The following KIF1B variants were observed in gnomAD, a reference collection of about 807,000 sequenced individuals.
KIF1B encodes the protein kinesin family member 1B, also known as kinesin-like protein KIF1B.
KIF1B carries 76 observed loss-of-function variants against 241.9 expected under a neutral mutation model. The observed-to-expected ratio is 0.31, with a 90% CI of 0.26 to 0.38. KIF1B has a LOEUF of 0.38. KIF1B is among the 10% of genes least tolerant of loss of function. The pLI, the probability that KIF1B is intolerant of heterozygous loss-of-function variation, is 1.00. For missense variants in KIF1B, 1,622 were observed against 2,271.4 expected (o/e 0.71, Z 5.81); for synonymous variants, 750 against 796.7 (o/e 0.94, Z 0.99).
At chr1:10,293,009 C>G (rs1182905971) in intron 17 of KIF1B, among the ~76,000 whole-genome samples, 1 of 151,110 alleles carries the variant, frequency 6.6e-6, no homozygotes, top group Non-Finnish European at 1.5e-5. Context: ...TGAATTGGTA[C>G]TTTTATGTGA....
intron 1 of KIF1B, among the ~76,000 whole-genome samples, chr1:10,214,644 G>C (rs543080699): frequency 6.7e-6 from 1 of 149,414 alleles, no homozygotes; most frequent in Non-Finnish European, 1.5e-5. Flanking sequence ...GTGTAGTGGT[G>C]TGATCTTGGC....
chr1:10,223,045 A>C (rs1407796017), intron 1 of KIF1B, among the ~76,000 whole-genome samples: 1 of 152,110 alleles, frequency 6.6e-6, no homozygotes, highest in Non-Finnish European at 1.5e-5. Context: ...CGAGGTCAGG[A>C]GTTCAAGACC....
In KIF1B at chr1:10,365,782, A is replaced by C; in HGVS notation, c.4752+134A>C. On this transcript the variant is annotated intron_variant, in intron 43 of 48. Coordinates refer to ENST00000676179, the MANE Select transcript of KIF1B (RefSeq NM_001365951.3). The surrounding 1 kb of genome is among the most constrained non-coding windows in gnomAD (Gnocchi z 4.0). ...ATAATACTGTGAATGTAGAAATAAAAAGACGCAGTTCCTACCCTCAACAAG... is the reference window on the plus strand; with the variant it reads ...ATAATACTGTGAATGTAGAAATAAACAGACGCAGTTCCTACCCTCAACAAG... 1.5e-6 allele frequency: 2 copies of C among 1,290,568 alleles called. No individual in the cohort carries two copies. The highest frequency in any genetic ancestry group is 2.3e-5 in the East Asian group (1 of 42,688). The allele number at this position is 1,290,568 out of a possible 1,614,324, so 79.9% of individuals were successfully genotyped here.
chr1:10,266,693 C>T (rs1348273879), intron 5 of KIF1B, among the ~76,000 whole-genome samples: 2 of 152,140 alleles, frequency 1.3e-5, no homozygotes, highest in African/African-American at 4.8e-5. Context: ...CTTGGAGTAA[C>T]CTCAATGCAA....
In KIF1B at chr1:10,365,647, A is replaced by C; in HGVS notation, c.4751A>C (p.Lys1584Thr). Residue 1584 changes from lysine (K) to threonine (T), a missense_variant and splice_region_variant, in exon 43 of 49, where the codon AAG (lysine) becomes ACG (threonine). This residue lies in a region of KIF1B where 357 missense variants were observed against 409.0 expected (regional missense o/e 0.87). Transcript: ENST00000676179. The surrounding 1 kb of genome is among the most constrained non-coding windows in gnomAD (Gnocchi z 4.0). Reference sequence around the variant, plus strand: ...GACCGAGAGAAAGAGCTGGCTACCAAGGTGTGAATCCCTTCCTCTTTGCTG... The same window carrying C: ...GACCGAGAGAAAGAGCTGGCTACCACGGTGTGAATCCCTTCCTCTTTGCTG... ...LVDREKELATKCLQLLTHTFN... is the reference protein window; with the variant it reads ...LVDREKELATTCLQLLTHTFN... 1 of 1,614,164 alleles carries C rather than the reference A, an allele frequency of 6.2e-7. No homozygotes were observed. The highest frequency in any genetic ancestry group is 1.7e-5 in the Admixed American group (1 of 60,014).
chr1:10,220,833 T>G (rs550353326), intron 1 of KIF1B, among the ~76,000 whole-genome samples: 3 of 151,874 alleles, frequency 2.0e-5, no homozygotes, highest in Non-Finnish European at 4.4e-5. Context: ...CAGCTGATTT[T>G]TGTGCTTTTA....
chr1:10,283,923 TTAACAC>T (rs2102235702), intron 15 of KIF1B, among the ~76,000 whole-genome samples: 1 of 152,360 alleles, frequency 6.6e-6, no homozygotes, highest in East Asian at 1.9e-4. Flanking sequence ...GAAAAACTCT[TTAACAC>T]TAAAGTGAAT....
At position 10,232,380 on chromosome 1, in the gene KIF1B, C is replaced by T; in HGVS notation, c.52C>T (p.Arg18Ter). The T allele has an allele frequency of 1.2e-6, 2 of 1,614,018 alleles. No homozygotes were observed. Among genetic ancestry groups the T allele is most frequent in the Non-Finnish European group, 1.7e-6 (2 of 1,179,984 alleles). The part of the protein sequence containing the change: ...VAVRVRPFNS[R>*]ETSKESKCII... ...TGTCCGGGTAAGGCCCTTCAATTCT[C>T]GAGAGACCAGCAAGGAATCCAAATG... is the stretch of plus-strand genomic sequence containing the variant. Residue 18 changes from arginine to a stop codon, truncating the protein, a stop_gained, in exon 2 of 49, where the codon CGA becomes TGA. Transcript: ENST00000676179. LOFTEE classifies it high-confidence loss of function.
At chr1:10,269,282 A>G (rs1353959361) in intron 7 of KIF1B, among the ~76,000 whole-genome samples, 1 of 152,078 alleles carries the variant, frequency 6.6e-6, no homozygotes, top group Non-Finnish European at 1.5e-5. Flanking sequence ...TGGGAGGCCA[A>G]GGCAGACAGA....
chr1:10,226,318 G>A (rs930882619), intron 1 of KIF1B, among the ~76,000 whole-genome samples: 2 of 152,188 alleles, frequency 1.3e-5, no homozygotes, highest in African/African-American at 4.8e-5. Flanking sequence ...AATGCTGGAA[G>A]GATAGCTAGG....
chr1:10,304,790 A>C, intron 22 of KIF1B: 2 of 1,510,664 alleles, frequency 1.3e-6, no homozygotes, highest in Non-Finnish European at 1.8e-6. Context: ...AAGACAAAAC[A>C]CTGGTAAAAG....
intron 1 of KIF1B, among the ~76,000 whole-genome samples, chr1:10,215,141 TA>T: frequency 2.8e-5 from 1 of 36,194 alleles, no homozygotes; most frequent in South Asian, 9.3e-4. Context: ...ATATATTTTA[TA>T]TATATATATA....
At position 10,380,834 on chromosome 1, in the gene KIF1B, G is replaced by C; in HGVS notation, c.*4247G>C. The C allele has an allele frequency of 9.1e-6, 2 of 220,622 alleles. No homozygotes were observed. The allele number at this position is 220,622 out of a possible 1,614,324, so 13.7% of individuals were successfully genotyped here. On this transcript the variant is annotated 3_prime_UTR_variant, in exon 49 of 49. Coordinates refer to ENST00000676179, the MANE Select transcript of KIF1B (RefSeq NM_001365951.3). The stretch of plus-strand genomic sequence containing the variant: ...AGTGATTCACCCCAGTGTGTGGCCA[G>C]ACCATGACTGTGTAGCAGGAATGTT...
chr1:10,293,766 T>C (rs907806039), intron 17 of KIF1B, among the ~76,000 whole-genome samples: 8 of 152,296 alleles, frequency 5.3e-5, no homozygotes, highest in South Asian at 2.1e-4. Flanking sequence ...GAACAAATGT[T>C]GAGATGTACA....
At position 10,304,020 on chromosome 1, in the gene KIF1B, T is replaced by G. The variant is rs756306510; in HGVS notation, c.2115+6774T>G. Reference sequence around the variant, plus strand: ...TAACAAAGCAGCTTCGTCGGCAGAATGTACCTCATAGGTTCATCCCTCCTG... The same window carrying G: ...TAACAAAGCAGCTTCGTCGGCAGAAGGTACCTCATAGGTTCATCCCTCCTG... On this transcript the variant is annotated intron_variant, in intron 22 of 48. Coordinates refer to ENST00000676179, the MANE Select transcript of KIF1B (RefSeq NM_001365951.3). The G allele has an allele frequency of 1.9e-6, 3 of 1,611,710 alleles. No individual in the cohort carries two copies. The highest frequency in any genetic ancestry group is 1.7e-5 in the Admixed American group (1 of 59,594).
Position 10,282,253 on chromosome 1 carries a change from C to CT in KIF1B, c.1223-62dup, listed in dbSNP as rs376051312. ...TTCTTACAACGATATTCCTTCCTGTCTTTTTTTCTTCCTCTGCTTCTTTCC... is the reference window on the plus strand; with the variant it reads ...TTCTTACAACGATATTCCTTCCTGTCTTTTTTTTCTTCCTCTGCTTCTTTCC... On this transcript the variant is annotated intron_variant, in intron 14 of 48. Transcript: ENST00000676179. The CT allele has an allele frequency of 4.6e-5, 58 of 1,265,928 alleles. No individual in the cohort carries two copies. The African/African-American group carries it at 7.9e-4, about 17-fold the overall frequency. 78.4% of individuals were successfully genotyped at this position (1,265,928 alleles called of 1,614,324 possible).
At chr1:10,291,977 C>G (rs1650021737) in intron 16 of KIF1B, 70 bp from the exon 17 acceptor site, 2 of 1,339,844 alleles carry the variant, frequency 1.5e-6, no homozygotes, top group Non-Finnish European at 2.1e-6. Flanking sequence ...GCTTTATTTT[C>G]CAATTCATAT....
Position 10,332,772 on chromosome 1 carries a change from C to T in KIF1B, c.2925-1748C>T, listed in dbSNP as rs1365738277. Among the ~76,000 whole-genome samples the T allele has an allele frequency of 2.0e-5, 3 of 151,388 alleles. No individual in the cohort carries two copies. The East Asian group carries it at 5.9e-4, about 30-fold the overall frequency. ...CCTTGTGATCGGCCCGCCTCGGCCT[C>T]CCAAAGTGCTGGGATTACAAGCATG... On this transcript the variant is annotated intron_variant, in intron 27 of 48. Coordinates refer to ENST00000676179, the MANE Select transcript of KIF1B (RefSeq NM_001365951.3).
intron 37 of KIF1B, among the ~76,000 whole-genome samples, chr1:10,351,107 GAT>G (rs1338842116): frequency 1.3e-5 from 2 of 150,330 alleles, no homozygotes; most frequent in Admixed American, 1.3e-4. Flanking sequence ...TTGGAAGGGA[GAT>G]TATGTTCTCT....
Sources: allele counts gnomAD v4.1 joint callset (sites outside exome capture counted in the v4.1 genomes callset), GRCh38; gene constraint gnomAD v4.1.1; regional missense constraint gnomAD v4.1.1; non-coding constraint Gnocchi (gnomAD v3.1); transcripts MANE v1.5; gene names NCBI Gene and HGNC (gene_info 2026-07-23, HGNC 2026-07-21).